PHKA2: variants seen among roughly 807,000 people sequenced by gnomAD.
PHKA2 encodes the protein phosphorylase b kinase regulatory subunit alpha, liver isoform.
A neutral mutation model predicts 102.0 loss-of-function variants in PHKA2; 31 were observed. That is an observed-to-expected ratio of 0.30 (90% confidence interval 0.23 to 0.41). The LOEUF is 0.41. Among genes scored for constraint, PHKA2 ranks in the 10% least tolerant of loss-of-function variants. PHKA2 has a pLI of 1.00. For synonymous variants in PHKA2, 455 were observed against 416.2 expected (o/e 1.09, Z -1.13); for missense variants, 858 against 1,023.1 (o/e 0.84, Z 2.20).
At chrX:18,926,613 G>A (rs769415402) in intron 13 of PHKA2, 26 bp from the exon 14 acceptor site, 10 of 1,192,239 alleles carry the variant, frequency 8.4e-6, no homozygotes, top group East Asian at 3.0e-5. Context: ...CAGAATGAGC[G>A]TTAGCTCATG....
rs202141186 is a variant in PHKA2 at position 18,900,647 on chromosome X, C to T, written c.3057+23G>A. On this transcript the variant is annotated intron_variant, in intron 28 of 32. Transcript: ENST00000379942. Reference sequence around the variant, plus strand: ...GCCAGAAAGAACAGGAAGTAAAGGACGAACAAGGCAAAGGGGTGTCACCTG... The same window carrying T: ...GCCAGAAAGAACAGGAAGTAAAGGATGAACAAGGCAAAGGGGTGTCACCTG... 9.8e-5 allele frequency: 117 copies of T among 1,192,319 alleles called. No individual in the cohort carries two copies. In the East Asian group the frequency reaches 2.2e-3, roughly 23 times the overall value.
intron 1 of PHKA2, among the ~76,000 whole-genome samples, chrX:18,979,236 T>C (rs972605475): frequency 4.4e-5 from 5 of 112,552 alleles, no homozygotes; most frequent in Non-Finnish European, 9.4e-5. Flanking sequence ...ATTATATCTT[T>C]TTTAACTCTC....
At chrX:18,908,426 TA>T (rs1273525953) in intron 21 of PHKA2, among the ~76,000 whole-genome samples, 2 of 112,318 alleles carry the variant, frequency 1.8e-5, no homozygotes, top group African/African-American at 6.5e-5. Context: ...CTTAGCCTAG[TA>T]AAGACCATAA....
chrX:18,922,353 A>C (rs1276244898), intron 17 of PHKA2, among the ~76,000 whole-genome samples: 1 of 112,371 alleles, frequency 8.9e-6, no homozygotes, highest in East Asian at 2.8e-4. Context: ...ATTGGAGGTA[A>C]AATGTGCAAA....
chrX:18,969,139 C>G (rs1008244532), intron 1 of PHKA2, among the ~76,000 whole-genome samples: 2 of 111,018 alleles, frequency 1.8e-5, no homozygotes, highest in East Asian at 5.6e-4. Flanking sequence ...AAAAGTTTCC[C>G]CAAAATCTCA....
At chrX:18,976,738 G>A (rs761103466) in intron 1 of PHKA2, among the ~76,000 whole-genome samples, 21 of 111,549 alleles carry the variant, frequency 1.9e-4, no homozygotes, top group African/African-American at 6.9e-4. Flanking sequence ...CACCCACAGG[G>A]TCTGGAATGT....
intron 1 of PHKA2, among the ~76,000 whole-genome samples, chrX:18,977,806 A>G (rs1050460355): frequency 3.6e-5 from 4 of 111,915 alleles, no homozygotes; most frequent in African/African-American, 9.7e-5. Context: ...TCAGTATCCT[A>G]TGTTTTAGGT....
intron 26 of PHKA2, among the ~76,000 whole-genome samples, chrX:18,901,858 T>C (rs1006097119): frequency 2.7e-5 from 3 of 110,036 alleles, no homozygotes; most frequent in Non-Finnish European, 3.8e-5. Context: ...TTTTTTTTTT[T>C]CCGAGACGGA....
rs754449318 is a variant in PHKA2, at chrX:18,894,338, C to T, written c.3403G>A (p.Glu1135Lys). The T allele has an allele frequency of 4.1e-6, 5 of 1,211,460 alleles. No homozygotes were observed. The highest frequency in any genetic ancestry group is 1.8e-5 in the South Asian group (1 of 56,988). ...ESVLNRVPQP[E>K]YRQLLVEAIM... ...GCTTCCACCAGCAGCTGCCGGTACT[C>T]GGGCTGCGGCACGCGGTTCAGCACC... Residue 1135 changes from glutamate (E) to lysine (K), a missense_variant, in exon 32 of 33, where the codon GAG becomes AAG. Coordinates refer to ENST00000379942, the MANE Select transcript of PHKA2 (RefSeq NM_000292.3).
In PHKA2 at chrX:18,926,568, G is replaced by A. The variant is rs183426079; in HGVS notation, c.1344C>T (p.Asn448=). 3 of 1,208,428 alleles carry A rather than the reference G, an allele frequency of 2.5e-6. No individual in the cohort carries two copies. Among genetic ancestry groups the A allele is most frequent in the Admixed American group, 2.2e-5 (1 of 45,897 alleles). Residue 448 remains asparagine (N), a synonymous_variant, in exon 14 of 33, where the codon AAC becomes AAT. Transcript: ENST00000379942. ...TCCTCAATAAGTCCTTAATGTGATT[G>A]TTTTCTGCCAAAACAGTAACTGTGA... ...VVVQVTVLAE[N]NHIKDLLRKH...
chrX:18,948,187 T>C (rs2048617254), intron 5 of PHKA2, among the ~76,000 whole-genome samples: 1 of 112,023 alleles, frequency 8.9e-6, no homozygotes, highest in South Asian at 3.7e-4. Flanking sequence ...AAAACAAGCA[T>C]AATGGGCCAG....
intron 1 of PHKA2, among the ~76,000 whole-genome samples, chrX:18,957,620 T>G (rs1036969400): frequency 9.1e-6 from 1 of 109,785 alleles, no homozygotes; most frequent in Non-Finnish European, 1.9e-5. Flanking sequence ...TCTTTTTCAG[T>G]TGTCTTTCTT....
At chrX:18,960,975 T>C (rs1269305835) in intron 1 of PHKA2, among the ~76,000 whole-genome samples, 1 of 112,187 alleles carries the variant, frequency 8.9e-6, no homozygotes, top group Non-Finnish European at 1.9e-5. Context: ...TTTTTAACAG[T>C]GTTGGGACAA....
intron 3 of PHKA2, 144 bp downstream of exon 3, chrX:18,952,350 A>G (rs938850499): frequency 6.9e-5 from 33 of 478,090 alleles, no homozygotes; most frequent in South Asian, 1.2e-4. Flanking sequence ...AAAAAAAAAA[A>G]AGAGAGAGAG....
chrX:18,938,891 C>T (rs2048441043), intron 9 of PHKA2, 142 bp from the exon 10 acceptor site: 2 of 522,936 alleles, frequency 3.8e-6, no homozygotes, highest in South Asian at 5.8e-5. Flanking sequence ...TAATGAGATG[C>T]TGTTTTTGGC....
intron 10 of PHKA2, 80 bp from the exon 11 acceptor site, chrX:18,936,230 A>C (rs772229899): frequency 1.5e-6 from 1 of 650,696 alleles, no homozygotes; most frequent in African/African-American, 2.2e-5. Flanking sequence ...ATAGAAAAAA[A>C]GCTCTCATGG....
intron 1 of PHKA2, among the ~76,000 whole-genome samples, chrX:18,975,989 T>A (rs2148040619): frequency 9.9e-6 from 1 of 101,273 alleles, no homozygotes; most frequent in South Asian, 4.9e-4. Flanking sequence ...TTTTTTTTTT[T>A]TTTGAGACAA....
chrX:18,929,801 T>C (rs1349136956), intron 12 of PHKA2, among the ~76,000 whole-genome samples: 1 of 112,029 alleles, frequency 8.9e-6, no homozygotes, highest in Non-Finnish European at 1.9e-5. Flanking sequence ...AGAATTCTTC[T>C]TCCCCAAGGT....
intron 18 of PHKA2, among the ~76,000 whole-genome samples, chrX:18,919,425 C>A (rs939134105): frequency 1.8e-5 from 2 of 109,618 alleles, no homozygotes; most frequent in Non-Finnish European, 3.8e-5. Context: ...CCATTCCTGG[C>A]CAGCCACGGT....
Sources: gnomAD v4.1 joint callset for allele counts (sites outside exome capture counted in the v4.1 genomes callset) on GRCh38, gnomAD v4.1.1 for gene constraint, MANE v1.5 for transcripts, NCBI Gene and HGNC (gene_info 2026-07-23, HGNC 2026-07-21) for gene names.